The following AKAP13 variants were observed in gnomAD, a reference collection of about 807,000 sequenced individuals.
The protein encoded by AKAP13 is A-kinase anchor protein 13.
A neutral mutation model predicts 264.5 loss-of-function variants in AKAP13; 80 were observed. The observed-to-expected ratio is 0.30, with a 90% CI of 0.25 to 0.36. The LOEUF is 0.36. Ranked by LOEUF, AKAP13 falls within the 10% of genes least tolerant of loss-of-function variation. AKAP13 has a pLI of 1.00. For missense variants in AKAP13, 3,712 were observed against 3,435.2 expected (o/e 1.08, Z -2.01); for synonymous variants, 1,380 against 1,250.2 (o/e 1.10, Z -2.19).
chr15:85,669,880 T>G, intron 14 of AKAP13, 50 bp downstream of exon 14: 2 of 1,369,384 alleles, frequency 1.5e-6, no homozygotes, highest in Non-Finnish European at 1.0e-6. Context: ...TCTTAACCAC[T>G]CTTCCTATTA....
intron 5 of AKAP13, among the ~76,000 whole-genome samples, chr15:85,554,495 T>A (rs2078070103): frequency 6.6e-6 from 1 of 152,184 alleles, no homozygotes; most frequent in Non-Finnish European, 1.5e-5. Flanking sequence ...AGCCCCATTT[T>A]CCTTACAGAA....
chr15:85,604,930 G>A (rs188817163), intron 8 of AKAP13, among the ~76,000 whole-genome samples: 7 of 152,280 alleles, frequency 4.6e-5, no homozygotes. Context: ...GATGTTTACT[G>A]TAACATCTTC....
chr15:85,586,888 A>G (rs193108793), intron 8 of AKAP13, among the ~76,000 whole-genome samples: 1 of 151,822 alleles, frequency 6.6e-6, no homozygotes, highest in Non-Finnish European at 1.5e-5. Flanking sequence ...AGATTGTGCC[A>G]TAGCACTGTA....
chr15:85,405,473 G>T (rs1392390277), intron 1 of AKAP13, among the ~76,000 whole-genome samples: 1 of 152,150 alleles, frequency 6.6e-6, no homozygotes, highest in Non-Finnish European at 1.5e-5. Context: ...TACAAAAATT[G>T]GAGACAAAAT....
chr15:85,525,871 C>T (rs1214045885), intron 3 of AKAP13, among the ~76,000 whole-genome samples: 2 of 152,028 alleles, frequency 1.3e-5, no homozygotes, highest in Admixed American at 6.6e-5. Flanking sequence ...TGAATTTAGA[C>T]CAAGCAGTGA....
At chr15:85,646,721 C>G (rs1384601063) in intron 10 of AKAP13, among the ~76,000 whole-genome samples, 1 of 152,138 alleles carries the variant, frequency 6.6e-6, no homozygotes, top group African/African-American at 2.4e-5. Context: ...TCTAGCCTGC[C>G]TAATTGGAAC....
At chr15:85,687,395 T>G (rs1036322010) in intron 16 of AKAP13, among the ~76,000 whole-genome samples, 2 of 152,174 alleles carry the variant, frequency 1.3e-5, no homozygotes, top group African/African-American at 4.8e-5. Flanking sequence ...GAAAACATAT[T>G]TTGTGTTAGA....
intron 5 of AKAP13, among the ~76,000 whole-genome samples, chr15:85,557,540 G>C (rs1156731722): frequency 6.6e-6 from 1 of 152,132 alleles, no homozygotes; most frequent in Non-Finnish European, 1.5e-5. Flanking sequence ...TTGGAGTGCA[G>C]TGGCCCAGTC....
At chr15:85,474,528 A>G (rs889330898) in intron 1 of AKAP13, among the ~76,000 whole-genome samples, 9 of 152,238 alleles carry the variant, frequency 5.9e-5, no homozygotes, top group Non-Finnish European at 1.3e-4. Flanking sequence ...GGAATGTTTT[A>G]TGATTAGAAA....
At chr15:85,458,069 A>C (rs1355426435) in intron 1 of AKAP13, among the ~76,000 whole-genome samples, 2 of 151,412 alleles carry the variant, frequency 1.3e-5, no homozygotes, top group Admixed American at 6.6e-5. Context: ...GAACCCGGGA[A>C]GCAGAGGTTG....
chr15:85,744,869 C>T lies in AKAP13; in HGVS notation c.*192C>T, dbSNP rs1051263788. ...TGTCGGGTGGGGAAGGAGGCCCAGA[C>T]TCTGCTTCGGCCATGATTTGTGACT... On this transcript the variant is annotated 3_prime_UTR_variant, in exon 37 of 37. Coordinates refer to ENST00000394518, the MANE Select transcript of AKAP13 (RefSeq NM_007200.5). 9.5e-6 allele frequency: 5 copies of T among 527,718 alleles called. No homozygotes were observed. Among genetic ancestry groups the T allele is most frequent in the African/African-American group, 2.0e-5 (1 of 50,368 alleles). The allele number at this position is 527,718 out of a possible 1,614,324, so 32.7% of individuals were successfully genotyped here.
intron 1 of AKAP13, among the ~76,000 whole-genome samples, chr15:85,480,053 C>T (rs1183013074): frequency 6.6e-6 from 1 of 151,978 alleles, no homozygotes; most frequent in Admixed American, 6.5e-5. Flanking sequence ...TGTTTTCTTC[C>T]TGATTAAAAA....
chr15:85,505,809 C>T (rs2076204366), intron 2 of AKAP13, among the ~76,000 whole-genome samples: 2 of 151,938 alleles, frequency 1.3e-5, no homozygotes, highest in Non-Finnish European at 2.9e-5. Context: ...AGGAAAAGCC[C>T]CTAGGTTAAA....
chr15:85,478,847 A>ATCG (rs2075265117), intron 1 of AKAP13, among the ~76,000 whole-genome samples: 1 of 151,698 alleles, frequency 6.6e-6, no homozygotes, highest in Non-Finnish European at 1.5e-5. Flanking sequence ...TCTTAACATC[A>ATCG]TTTCCCGAAG....
intron 31 of AKAP13, 107 bp from the exon 32 acceptor site, chr15:85,735,453 A>G: frequency 8.6e-7 from 1 of 1,156,496 alleles, no homozygotes; most frequent in Non-Finnish European, 1.2e-6. Flanking sequence ...TGGGGGCATC[A>G]GTAGGTTTCA....
chr15:85,502,825 C>T (rs2076071351), intron 2 of AKAP13, among the ~76,000 whole-genome samples: 1 of 152,200 alleles, frequency 6.6e-6, no homozygotes, highest in Non-Finnish European at 1.5e-5. Context: ...TTCCATATGA[C>T]ACCTTTTCAG....
chr15:85,627,385 T>C (rs1418325896), intron 8 of AKAP13, among the ~76,000 whole-genome samples: 2 of 152,200 alleles, frequency 1.3e-5, no homozygotes, highest in African/African-American at 4.8e-5. Context: ...CTCTCTGATG[T>C]ATACCTTTTA....
intron 30 of AKAP13, among the ~76,000 whole-genome samples, chr15:85,731,710 T>G (rs2088052685): frequency 6.6e-6 from 1 of 152,188 alleles, no homozygotes; most frequent in South Asian, 2.1e-4. Flanking sequence ...TTCCCCTCCA[T>G]TTATTTACCA....
intron 14 of AKAP13, among the ~76,000 whole-genome samples, chr15:85,674,005 C>G (rs1426164341): frequency 6.6e-6 from 1 of 151,970 alleles, no homozygotes; most frequent in African/African-American, 2.4e-5. Context: ...TGATCCCTTT[C>G]TATGGCTGTA....
Sources: allele counts gnomAD v4.1 joint callset (sites outside exome capture counted in the v4.1 genomes callset), GRCh38; gene constraint gnomAD v4.1.1; transcripts MANE v1.5; gene names NCBI Gene and HGNC (gene_info 2026-07-23, HGNC 2026-07-21).